The following TMEM245 variants were observed in gnomAD, a reference collection of about 807,000 sequenced individuals.
TMEM245 encodes the protein protein CG-2.
Under a neutral mutation model 101.2 loss-of-function variants are expected in TMEM245, and 69 were observed. The ratio of observed to expected loss-of-function variants is 0.68; its 90% confidence interval spans 0.56 to 0.83. The LOEUF (loss-of-function observed/expected upper bound fraction) is 0.83, where lower values mean the gene tolerates loss of function less well. Ranked by LOEUF, TMEM245 falls within the 40% of genes least tolerant of loss-of-function variation. The pLI, the probability that TMEM245 is intolerant of heterozygous loss-of-function variation, is 0.00. For synonymous variants in TMEM245, 537 were observed against 449.8 expected (o/e 1.19, Z -2.45); for missense variants, 1,075 against 1,092.8 (o/e 0.98, Z 0.23).
At chr9:109,033,255 C>A in intron 17 of TMEM245, 52 bp downstream of exon 17, 5 of 1,497,390 alleles carry the variant, frequency 3.3e-6, no homozygotes, top group Non-Finnish European at 4.5e-6. Context: ...AATACAGAGA[C>A]AGGACAGTTC....
rs1326154219 is a variant in TMEM245 at position 109,019,850 on chromosome 9, T to C, written c.*610A>G. The stretch of plus-strand genomic sequence containing the variant: ...GAAGAGGAGGAAGAGCTTCAGTCTT[T>C]GTATCTCCCAGGGTTATAATATAAA... On this transcript the variant is annotated 3_prime_UTR_variant, in exon 18 of 18. Transcript: ENST00000374586. The C allele has an allele frequency of 2.0e-5, 3 of 152,326 alleles. No individual in the cohort carries two copies. The highest frequency in any genetic ancestry group is 4.8e-5 in the African/African-American group (2 of 41,458). 9.4% of individuals were successfully genotyped at this position (152,326 alleles called of 1,614,324 possible).
chr9:109,028,587 G>T (rs945275858), intron 17 of TMEM245, among the ~76,000 whole-genome samples: 1 of 152,058 alleles, frequency 6.6e-6, no homozygotes, highest in Non-Finnish European at 1.5e-5. Context: ...GGCAAAGGTG[G>T]ATGGATTTTA....
At chr9:109,106,476 G>A (rs1830427320) in intron 3 of TMEM245, 32 bp downstream of exon 3, 1 of 1,387,694 alleles carries the variant, frequency 7.2e-7, no homozygotes, top group Non-Finnish European at 1.0e-6. Flanking sequence ...ATACTTCAAA[G>A]AGTAGTATTA....
At chr9:109,046,230 A>G in intron 14 of TMEM245, 1 of 534,634 alleles carries the variant, frequency 1.9e-6, no homozygotes, top group South Asian at 1.4e-5. Context: ...CACTCATGTG[A>G]AAATATCACA....
Position 109,119,573 on chromosome 9 carries a change from C to G in TMEM245, c.341G>C (p.Arg114Pro), listed in dbSNP as rs1830842806. Reference protein sequence around the residue: ...LGRHWLQRLHRAHTPIVLAAL... With the variant: ...LGRHWLQRLHPAHTPIVLAAL... ...GGCCAGGACGATGGGCGTGTGCGCG[C>G]GGTGCAGGCGCTGCAGCCAGTGGCG... is the stretch of plus-strand genomic sequence containing the variant. Residue 114 changes from arginine (R) to proline (P), a missense_variant, in exon 1 of 18, where the codon CGC (arginine) becomes CCC (proline). Transcript: ENST00000374586. 6.5e-7 allele frequency: 1 copy of G among 1,541,372 alleles called. No individual in the cohort carries two copies. Among genetic ancestry groups the G allele is most frequent in the South Asian group, 1.2e-5 (1 of 83,822 alleles).
intron 17 of TMEM245, among the ~76,000 whole-genome samples, chr9:109,031,293 AT>A (rs1237530875): frequency 1.3e-5 from 2 of 152,184 alleles, no homozygotes; most frequent in African/African-American, 2.4e-5. Context: ...AAAATAAGAA[AT>A]TTTTTTTAAA....
rs1297701769 is a variant in TMEM245, at chr9:109,019,343, G to A, written c.*1117C>T. 2 of 151,892 alleles carry A rather than the reference G, an allele frequency of 1.3e-5. No homozygotes were observed. Among genetic ancestry groups the A allele is most frequent in the Admixed American group, 1.3e-4 (2 of 15,270 alleles). 9.4% of individuals were successfully genotyped at this position (151,892 alleles called of 1,614,324 possible). ...ACGACTTTGAGTTGGTCACTTTTCT[G>A]AACCTTAGCTTCTCCATCAGTGTAA... On this transcript the variant is annotated 3_prime_UTR_variant, in exon 18 of 18. Coordinates refer to ENST00000374586, the MANE Select transcript of TMEM245 (RefSeq NM_032012.4).
At position 109,057,210 on chromosome 9, in the gene TMEM245, T is replaced by G; in HGVS notation, c.1835A>C (p.Asn612Thr). 6.2e-7 allele frequency: 1 copy of G among 1,613,706 alleles called. No individual in the cohort carries two copies. Among genetic ancestry groups the G allele is most frequent in the Non-Finnish European group, 8.5e-7 (1 of 1,179,770 alleles). The change falls in exon 12 of 18, where the codon AAC (asparagine) becomes ACC (threonine). Residue 612 changes from asparagine to threonine, a missense_variant. Transcript: ENST00000374586. ...TCTTACCGAAAGAAATGTCTCAATG[T>G]TCTCGTGAACAAAGGAAACAATATC... Reference protein sequence around the residue: ...WQDIVSFVHENIETFLSILES... With the variant: ...WQDIVSFVHETIETFLSILES...
chr9:109,064,850 C>T (rs1457694287), intron 9 of TMEM245, among the ~76,000 whole-genome samples: 2 of 152,144 alleles, frequency 1.3e-5, no homozygotes, highest in Admixed American at 6.5e-5. Context: ...GGCACGATCT[C>T]GGCTCGGTGC....
At chr9:109,067,588 A>G (rs1829207589) in intron 9 of TMEM245, among the ~76,000 whole-genome samples, 1 of 152,202 alleles carries the variant, frequency 6.6e-6, no homozygotes, top group South Asian at 2.1e-4. Flanking sequence ...ACTGAGAACC[A>G]TTTCAGTGCC....
Position 109,017,829 on chromosome 9 carries a change from G to A in TMEM245, c.*2631C>T, listed in dbSNP as rs1827494640. On this transcript the variant is annotated 3_prime_UTR_variant, in exon 18 of 18. Transcript: ENST00000374586. Reference sequence around the variant, plus strand: ...ATCTCTGTTGCCCTGTGAAAATTCTGTAAACCTTCCTCATTGCATCTGAGG... The same window carrying A: ...ATCTCTGTTGCCCTGTGAAAATTCTATAAACCTTCCTCATTGCATCTGAGG... 6.6e-6 allele frequency: 1 copy of A among 152,146 alleles called. No individual in the cohort carries two copies. The highest frequency in any genetic ancestry group is 2.4e-5 in the African/African-American group (1 of 41,432). The allele number at this position is 152,146 out of a possible 1,614,324, so 9.4% of individuals were successfully genotyped here. A position where few individuals can be genotyped will look rare whatever the true frequency, so the allele number is the denominator to read the frequency against.
chr9:109,044,557 C>G lies in TMEM245; in HGVS notation c.2123+5726G>C, dbSNP rs113609449. ...AGCCTCACTGCAATATGGTATGTCT[C>G]AAGTAGAAAGTGAGCTGGTGGGAGA... On this transcript the variant is annotated intron_variant, in intron 14 of 17. Transcript: ENST00000374586. Among the ~76,000 whole-genome samples, 147 of 152,166 alleles carry G rather than the reference C, an allele frequency of 9.7e-4. 1 individual carries two copies. The highest frequency in any genetic ancestry group is 3.3e-3 in the African/African-American group (137 of 41,508).
intron 17 of TMEM245, among the ~76,000 whole-genome samples, chr9:109,024,196 C>G (rs893442014): frequency 1.3e-5 from 2 of 152,198 alleles, no homozygotes; most frequent in African/African-American, 4.8e-5. Context: ...AGCTGGCTCC[C>G]CAGCACTGAG....
chr9:109,119,173 C>A (rs1830819520), intron 1 of TMEM245, among the ~76,000 whole-genome samples, 162 bp downstream of exon 1: 1 of 152,354 alleles, frequency 6.6e-6, no homozygotes, highest in South Asian at 2.1e-4. Flanking sequence ...GAAGAATGTC[C>A]GCCAAATTCC....
rs995002657 is a variant in TMEM245 at position 109,018,149 on chromosome 9, T to C, written c.*2311A>G. The C allele has an allele frequency of 7.2e-5, 11 of 152,252 alleles. No homozygotes were observed. The highest frequency in any genetic ancestry group is 2.7e-4 in the African/African-American group (11 of 41,464). The allele number at this position is 152,252 out of a possible 1,614,324, so 9.4% of individuals were successfully genotyped here. Reference sequence around the variant, plus strand: ...TGTAGTTTTTTGCAATATCACTTTATACAGCTAAAATCACTTTGTATATGT... The same window carrying C: ...TGTAGTTTTTTGCAATATCACTTTACACAGCTAAAATCACTTTGTATATGT... On this transcript the variant is annotated 3_prime_UTR_variant, in exon 18 of 18. Coordinates refer to ENST00000374586, the MANE Select transcript of TMEM245 (RefSeq NM_032012.4).
chr9:109,085,573 TCA>T (rs1829807224), intron 7 of TMEM245, among the ~76,000 whole-genome samples: 1 of 152,258 alleles, frequency 6.6e-6, no homozygotes, highest in Non-Finnish European at 1.5e-5. Flanking sequence ...TACAAATATT[TCA>T]CAGATTTGTC....
chr9:109,028,383 G>A (rs1033315158), intron 17 of TMEM245, among the ~76,000 whole-genome samples: 5 of 151,490 alleles, frequency 3.3e-5, no homozygotes, highest in African/African-American at 7.3e-5. Context: ...GAATCCGGGT[G>A]GCAGAGGTTG....
At chr9:109,108,373 T>C (rs1830480670) in intron 2 of TMEM245, 80 bp downstream of exon 2, 3 of 647,842 alleles carry the variant, frequency 4.6e-6, no homozygotes, top group South Asian at 2.9e-5. Context: ...CTACAAAAAA[T>C]TCACTTTCAT....
intron 8 of TMEM245, among the ~76,000 whole-genome samples, chr9:109,074,663 T>C (rs1250868333): frequency 6.8e-6 from 1 of 147,004 alleles, no homozygotes; most frequent in Non-Finnish European, 1.5e-5. Flanking sequence ...AGACTGACGG[T>C]ATTTTTCCAT....
Sources: gnomAD v4.1 joint callset for allele counts (sites outside exome capture counted in the v4.1 genomes callset) on GRCh38, gnomAD v4.1.1 for gene constraint, MANE v1.5 for transcripts, NCBI Gene and HGNC (gene_info 2026-07-23, HGNC 2026-07-21) for gene names.